The following NTM variants were observed in gnomAD, a reference collection of about 807,000 sequenced individuals.
The protein encoded by NTM is neurotrimin, also known as IgLON family member 2.
A neutral mutation model predicts 42.1 loss-of-function variants in NTM; 13 were observed. The observed-to-expected ratio is 0.31, with a 90% CI of 0.20 to 0.49. NTM has a LOEUF of 0.49. NTM is among the 20% of genes least tolerant of loss of function. The pLI, the probability that NTM is intolerant of heterozygous loss-of-function variation, is 0.99. For synonymous variants in NTM, 187 were observed against 179.2 expected, an observed-to-expected ratio of 1.04 and a Z score of -0.35; for missense variants, 373 against 452.8, an observed-to-expected ratio of 0.82 and a Z score of 1.60.
chr11:131,426,260 A>G (rs889562840), intron 1 of NTM, among the ~76,000 whole-genome samples: 7 of 152,098 alleles, frequency 4.6e-5, no homozygotes, highest in African/African-American at 1.7e-4. Context: ...GATTCCATAC[A>G]CACATTTCTT....
At chr11:131,799,398 A>C (rs144063006) in intron 1 of NTM, among the ~76,000 whole-genome samples, 30 of 152,342 alleles carry the variant, frequency 2.0e-4, no homozygotes, top group Non-Finnish European at 4.1e-4. Context: ...TTGAATCAAG[A>C]AGGCATATTG....
intron 2 of NTM, among the ~76,000 whole-genome samples, chr11:131,993,156 G>A (rs2067327048): frequency 6.6e-6 from 1 of 152,130 alleles, no homozygotes; most frequent in Non-Finnish European, 1.5e-5. Context: ...ATCCTCATGG[G>A]ATCAATTTGC....
At chr11:132,190,918 T>A (rs1592125306) in intron 3 of NTM, among the ~76,000 whole-genome samples, 1 of 151,574 alleles carries the variant, frequency 6.6e-6, no homozygotes, top group African/African-American at 2.4e-5. Context: ...CCATTGGAGG[T>A]TTATAAGCAG....
chr11:131,714,882 A>G (rs1372695295), intron 1 of NTM, among the ~76,000 whole-genome samples: 1 of 151,978 alleles, frequency 6.6e-6, no homozygotes, highest in Non-Finnish European at 1.5e-5. Flanking sequence ...AAGGCATTAT[A>G]TGGTTTGAGT....
chr11:132,026,319 C>A (rs1023619100), intron 2 of NTM, among the ~76,000 whole-genome samples: 1 of 152,146 alleles, frequency 6.6e-6, no homozygotes, highest in African/African-American at 2.4e-5. Flanking sequence ...CTGTTAAATG[C>A]CCCTGGCTTT....
intron 4 of NTM, among the ~76,000 whole-genome samples, chr11:132,224,176 T>A (rs2085717677): frequency 1.3e-5 from 2 of 152,100 alleles, no homozygotes; most frequent in South Asian, 4.1e-4. Flanking sequence ...AGACCCAACC[T>A]CTGCATGCCA....
chr11:131,623,805 T>G (rs1268008056), intron 1 of NTM, among the ~76,000 whole-genome samples: 2 of 152,192 alleles, frequency 1.3e-5, no homozygotes, highest in Non-Finnish European at 2.9e-5. Flanking sequence ...AAGGAGATAA[T>G]GGTGTGTGTT....
chr11:131,737,763 G>C (rs1385963548), intron 1 of NTM, among the ~76,000 whole-genome samples: 1 of 152,066 alleles, frequency 6.6e-6, no homozygotes, highest in Non-Finnish European at 1.5e-5. Flanking sequence ...GAGTGAGCAG[G>C]AGGCAGGATG....
intron 4 of NTM, among the ~76,000 whole-genome samples, chr11:132,213,115 T>A (rs935172028): frequency 2.0e-5 from 3 of 152,180 alleles, no homozygotes; most frequent in African/African-American, 7.2e-5. Context: ...TTGTGTTGCT[T>A]ATTGCTGATT....
chr11:131,379,836 G>A (rs541159331), intron 1 of NTM, among the ~76,000 whole-genome samples: 12 of 152,210 alleles, frequency 7.9e-5, no homozygotes, highest in African/African-American at 2.9e-4. Context: ...CAGAGTGCTG[G>A]TGGTTCTTCT....
intron 1 of NTM, among the ~76,000 whole-genome samples, chr11:131,636,404 G>A (rs535687029): frequency 6.6e-6 from 1 of 152,096 alleles, no homozygotes; most frequent in Non-Finnish European, 1.5e-5. Flanking sequence ...TCCTCCCTGC[G>A]GAACCCTCGG....
chr11:132,126,311 C>A (rs998679730), intron 2 of NTM, among the ~76,000 whole-genome samples: 1 of 152,148 alleles, frequency 6.6e-6, no homozygotes, highest in Non-Finnish European at 1.5e-5. Flanking sequence ...ACACACACCA[C>A]GGACAATGCT....
chr11:131,647,532 A>G (rs781224519), intron 1 of NTM, among the ~76,000 whole-genome samples: 3 of 152,222 alleles, frequency 2.0e-5, no homozygotes, highest in Non-Finnish European at 4.4e-5. Flanking sequence ...GTGATCTGAC[A>G]TACAATCAGC....
intron 2 of NTM, among the ~76,000 whole-genome samples, chr11:131,920,626 G>A (rs1187021638): frequency 6.6e-6 from 1 of 151,978 alleles, no homozygotes; most frequent in African/African-American, 2.4e-5. Context: ...GTTTTATTTG[G>A]GTGTATTTGG....
rs746338602 is a variant in NTM at position 132,146,533 on chromosome 11, G to A, written c.400+19G>A. The A allele has an allele frequency of 4.3e-6, 7 of 1,610,052 alleles. No homozygotes were observed. The South Asian group carries it at 6.6e-5, about 15-fold the overall frequency. ...GTGCAAGGTAGGTGGGCGGGGCTTG[G>A]CGGGGAGATCTGGCTGGCCAGCCTG... On this transcript the variant is annotated intron_variant, in intron 3 of 8. Transcript: ENST00000683400. The surrounding 1 kb of genome is among the most constrained non-coding windows in gnomAD (Gnocchi z 4.5).
intron 1 of NTM, among the ~76,000 whole-genome samples, chr11:131,629,340 A>G (rs2063432828): frequency 6.6e-6 from 1 of 152,196 alleles, no homozygotes. Flanking sequence ...GAATGGAGTC[A>G]GGCTTTGACC....
chr11:131,382,217 C>A (rs2513542), intron 1 of NTM, among the ~76,000 whole-genome samples: 1 of 152,062 alleles, frequency 6.6e-6, no homozygotes, highest in South Asian at 2.1e-4. Context: ...CTGTGCTTTT[C>A]GGACTTTATT....
chr11:131,579,918 C>G (rs74750160), intron 1 of NTM, among the ~76,000 whole-genome samples: 180 of 152,304 alleles, frequency 1.2e-3, no homozygotes, highest in African/African-American at 3.9e-3. Context: ...TGGCATGCAT[C>G]AATGCCATAT....
chr11:131,528,368 C>A (rs143072079), intron 1 of NTM, among the ~76,000 whole-genome samples: 92 of 152,266 alleles, frequency 6.0e-4, no homozygotes, highest in Non-Finnish European at 1.2e-3. Context: ...TTGTGCTGTG[C>A]CCTTTACATG....
Sources: allele counts gnomAD v4.1 joint callset (sites outside exome capture counted in the v4.1 genomes callset), GRCh38; gene constraint gnomAD v4.1.1; non-coding constraint Gnocchi (gnomAD v3.1); transcripts MANE v1.5; gene names NCBI Gene and HGNC (gene_info 2026-07-23, HGNC 2026-07-21).